The following PDCD1 variants were observed in gnomAD, a reference collection of about 807,000 sequenced individuals.
The protein encoded by PDCD1 is programmed cell death protein 1.
Under a neutral mutation model 23.6 loss-of-function variants are expected in PDCD1, and 10 were observed. The ratio of observed to expected loss-of-function variants is 0.42; its 90% confidence interval spans 0.26 to 0.72. PDCD1 has a LOEUF of 0.72. Among genes scored for constraint, PDCD1 ranks in the 30% least tolerant of loss-of-function variants. PDCD1 has a pLI of 0.24. For missense variants in PDCD1, 313 were observed against 397.8 expected (o/e 0.79, Z 1.81); for synonymous variants, 168 against 169.3 (o/e 0.99, Z 0.06).
chr2:241,850,720 G>A lies in PDCD1; in HGVS notation c.*338C>T, dbSNP rs909770495. On this transcript the variant is annotated 3_prime_UTR_variant, in exon 5 of 5. Coordinates refer to ENST00000334409, the MANE Select transcript of PDCD1 (RefSeq NM_005018.3). The stretch of plus-strand genomic sequence containing the variant: ...GCCACGGCGCCTTCAGCCCCGGGCC[G>A]CAGGCAGCAGCAGCAGCAGCAGCAG... The A allele has an allele frequency of 2.1e-5, 12 of 569,214 alleles. No individual in the cohort carries two copies. Among genetic ancestry groups the A allele is most frequent in the East Asian group, 1.4e-4 (4 of 27,660 alleles). 35.3% of individuals were successfully genotyped at this position (569,214 alleles called of 1,614,324 possible).
At chr2:241,852,383 A>ACGGGGTCAGGGTGGAGGGT (rs745393894) in intron 2 of PDCD1, 30 bp from the exon 3 acceptor site, 2 of 1,461,156 alleles carry the variant, frequency 1.4e-6, no homozygotes. Flanking sequence ...AGGGGTTAGG[A>ACGGGGTCAGGGTGGAGGGT]CGGGGTCAGG....
intron 1 of PDCD1, among the ~76,000 whole-genome samples, chr2:241,856,290 G>A (rs1229131463): frequency 2.6e-5 from 4 of 152,128 alleles, no homozygotes; most frequent in African/African-American, 9.7e-5. Context: ...AGCCGACCCT[G>A]CGGAGCTCCA....
intron 1 of PDCD1, among the ~76,000 whole-genome samples, chr2:241,855,150 C>T (rs80166521): frequency 0.047 from 7,163 of 151,870 alleles, 925 homozygotes; most frequent in East Asian, 0.47. Flanking sequence ...GGAATCCACC[C>T]CGGGGAGCAG....
intron 4 of PDCD1, 35 bp from the exon 5 acceptor site, chr2:241,851,332 G>C: frequency 6.4e-7 from 1 of 1,569,154 alleles, no homozygotes; most frequent in Non-Finnish European, 8.7e-7. Context: ...TCAGCCCCAC[G>C]GCCCACCGCA....
chr2:241,856,765 C>T (rs1187217383), intron 1 of PDCD1, among the ~76,000 whole-genome samples: 1 of 151,800 alleles, frequency 6.6e-6, no homozygotes, highest in Non-Finnish European at 1.5e-5. Context: ...TCGAGTGAGC[C>T]GAGATCACAC....
intron 1 of PDCD1, among the ~76,000 whole-genome samples, chr2:241,857,981 G>A (rs1181262560): frequency 6.6e-6 from 1 of 152,086 alleles, no homozygotes; most frequent in Non-Finnish European, 1.5e-5. Flanking sequence ...CCAGGAGCGG[G>A]CTGTGGTCAC....
chr2:241,855,620 G>T (rs1341530600), intron 1 of PDCD1, among the ~76,000 whole-genome samples: 2 of 152,194 alleles, frequency 1.3e-5, no homozygotes, highest in Non-Finnish European at 1.5e-5. Flanking sequence ...GGCGGTGGGG[G>T]TGCTCCCGCA....
chr2:241,852,580 C>G (rs202136461), intron 2 of PDCD1, 41 bp downstream of exon 2: 1 of 1,591,572 alleles, frequency 6.3e-7, no homozygotes, highest in Non-Finnish European at 8.5e-7. Context: ...ACCCCAGGAC[C>G]GGCTCAGCTC....
Position 241,852,818 on chromosome 2 carries a change from G to GCCAGCT in PDCD1, c.233_238dup (p.Leu79_Ala80insGluLeu). 6.2e-7 allele frequency: 1 copy of GCCAGCT among 1,612,622 alleles called. No homozygotes were observed. The stretch of plus-strand genomic sequence containing the variant: ...CTGGCTGCGGTCCTCGGGGAAGGCG[G>GCCAGCT]CCAGCTTGTCCGTCTGGTTGCTGGG... On this transcript the variant is annotated inframe_insertion, in exon 2 of 5. Coordinates refer to ENST00000334409, the MANE Select transcript of PDCD1 (RefSeq NM_005018.3).
At chr2:241,852,592 C>T in intron 2 of PDCD1, 29 bp downstream of exon 2, 3 of 1,601,662 alleles carry the variant, frequency 1.9e-6, no homozygotes, top group South Asian at 2.2e-5. Context: ...GCTCAGCTCA[C>T]CCCTGCCCCG....
chr2:241,852,242 A>G lies in PDCD1; in HGVS notation c.548T>C (p.Leu183Pro), dbSNP rs1700919411. Residue 183 changes from leucine to proline, a missense_variant, in exon 3 of 5, where the codon CTG becomes CCG. By Grantham distance (98) the Leu-to-Pro change is moderately conservative. Around this residue, in one of 3 missense-constraint regions of PDCD1, gnomAD observed 158 missense variants for 177.5 expected, o/e 0.89. Coordinates refer to ENST00000334409, the MANE Select transcript of PDCD1 (RefSeq NM_005018.3). ...VVGGLLGSLV[L>P]LVWVLAVICS... ...GATGACGGCCAGGACCCAGACTAGCAGCACCAGGCTGCCCAGCAGGCCGCC... is the reference window on the plus strand; with the variant it reads ...GATGACGGCCAGGACCCAGACTAGCGGCACCAGGCTGCCCAGCAGGCCGCC... The G allele has an allele frequency of 2.5e-6, 4 of 1,611,224 alleles. No individual in the cohort carries two copies. Among genetic ancestry groups the G allele is most frequent in the Middle Eastern group, 1.7e-4 (1 of 5,946 alleles).
At chr2:241,852,381 G>A (rs754490520) in intron 2 of PDCD1, 28 bp from the exon 3 acceptor site, 41 of 1,479,588 alleles carry the variant, frequency 2.8e-5, no homozygotes, top group Non-Finnish European at 3.6e-5. Context: ...TCAGGGGTTA[G>A]GACGGGGTCA....
In PDCD1 at chr2:241,850,723, GGCA is replaced by G. The variant is rs56029561; in HGVS notation, c.*332_*334del. ...ACGGCGCCTTCAGCCCCGGGCCGCA[GGCA>G]GCAGCAGCAGCAGCAGCAGCAGCAG... is the stretch of plus-strand genomic sequence containing the variant. On this transcript the variant is annotated 3_prime_UTR_variant, in exon 5 of 5. Transcript: ENST00000334409. 4.7e-3 allele frequency: 2,633 copies of G among 563,860 alleles called. No individual in the cohort carries two copies. Among genetic ancestry groups the G allele is most frequent in the South Asian group, 6.0e-3 (361 of 60,458 alleles). 34.9% of individuals were successfully genotyped at this position (563,860 alleles called of 1,614,324 possible).
At chr2:241,851,459 C>T (rs1425646402) in intron 4 of PDCD1, among the ~76,000 whole-genome samples, 162 bp from the exon 5 acceptor site, 1 of 152,218 alleles carries the variant, frequency 6.6e-6, no homozygotes, top group Non-Finnish European at 1.5e-5. Flanking sequence ...GATCTGGGGA[C>T]ACCACCCCTC....
chr2:241,856,967 G>A (rs367581538), intron 1 of PDCD1, among the ~76,000 whole-genome samples: 28 of 152,368 alleles, frequency 1.8e-4, no homozygotes, highest in Admixed American at 1.3e-3. Context: ...AAGTCCTGTC[G>A]AAGGCCCAGA....
At chr2:241,851,910 A>C (rs777586092) in intron 4 of PDCD1, 39 bp downstream of exon 4, 14 of 1,599,144 alleles carry the variant, frequency 8.8e-6, no homozygotes, top group South Asian at 3.3e-5. Context: ...CCCAGGAAGG[A>C]AGGCACAGTG....
intron 1 of PDCD1, among the ~76,000 whole-genome samples, chr2:241,856,856 G>T (rs530109940): frequency 2.6e-5 from 4 of 152,186 alleles, no homozygotes; most frequent in African/African-American, 4.8e-5. Flanking sequence ...GCTGGGCTGG[G>T]TAGTTTTCAC....
intron 1 of PDCD1, among the ~76,000 whole-genome samples, chr2:241,853,695 G>C (rs67727847): frequency 0.19 from 28,955 of 152,328 alleles, 3,479 homozygotes; most frequent in South Asian, 0.33. Flanking sequence ...GTCAGGGCTT[G>C]GGATACCCGC....
Position 241,850,194 on chromosome 2 carries a change from T to G in PDCD1, c.*864A>C. On this transcript the variant is annotated 3_prime_UTR_variant, in exon 5 of 5. Transcript: ENST00000334409. ...CATGGGGGGCCCTAGGTGCCTGCAC[T>G]TCTGCCCTCCCAACACCCAGGTGGC... 4.3e-6 allele frequency: 1 copy of G among 233,018 alleles called. No homozygotes were observed. The highest frequency in any genetic ancestry group is 8.5e-6 in the Non-Finnish European group (1 of 117,942). 14.4% of individuals were successfully genotyped at this position (233,018 alleles called of 1,614,324 possible).
Sources: gnomAD v4.1 joint callset for allele counts (sites outside exome capture counted in the v4.1 genomes callset) on GRCh38, gnomAD v4.1.1 for gene constraint, gnomAD v4.1.1 regional missense constraint, MANE v1.5 for transcripts, NCBI Gene and HGNC (gene_info 2026-07-23, HGNC 2026-07-21) for gene names.